Variants in ABLIM1 observed in about 807,000 individuals in gnomAD.
ABLIM1 encodes actin binding LIM protein 1, also known as actin-binding LIM protein 1.
A neutral mutation model predicts 107.0 loss-of-function variants in ABLIM1; 40 were observed. That is an observed-to-expected ratio of 0.37 (90% CI 0.29 to 0.49). The LOEUF is 0.49. Among genes scored for constraint, ABLIM1 ranks in the 20% least tolerant of loss-of-function variants. The pLI is 0.97. For synonymous variants in ABLIM1, 357 were observed against 357.3 expected (o/e 1.00, Z 0.01); for missense variants, 857 against 1,008.5 (o/e 0.85, Z 2.04).
intron 10 of ABLIM1, among the ~76,000 whole-genome samples, chr10:114,470,374 G>T (rs1725403114): frequency 7.9e-6 from 1 of 126,338 alleles, no homozygotes; most frequent in African/African-American, 3.0e-5. Flanking sequence ...AGTGAGCCAA[G>T]ATTGCACCAC....
intron 1 of ABLIM1, among the ~76,000 whole-genome samples, chr10:114,736,866 G>A (rs1184893906): frequency 6.6e-6 from 1 of 152,100 alleles, no homozygotes; most frequent in East Asian, 1.9e-4. Context: ...AAAAAACAGG[G>A]ACAGAAAACA....
rs564937969 is a variant in ABLIM1, at chr10:114,434,556, A to C, written c.*1704T>G. On this transcript the variant is annotated 3_prime_UTR_variant, in exon 23 of 23. Coordinates refer to ENST00000533213, the MANE Select transcript of ABLIM1 (RefSeq NM_002313.7). ...GCTTGTAATCCTAATATTTGGTGCC[A>C]GCAGGAAGAACTTCAGAGCTTTTGT... The C allele has an allele frequency of 6.6e-6, 1 of 152,312 alleles. No individual in the cohort carries two copies. The highest frequency in any genetic ancestry group is 2.4e-5 in the African/African-American group (1 of 41,570). 9.4% of individuals were successfully genotyped at this position (152,312 alleles called of 1,614,324 possible). A position where few individuals can be genotyped will look rare whatever the true frequency, so the allele number is the denominator to read the frequency against.
intron 2 of ABLIM1, among the ~76,000 whole-genome samples, chr10:114,589,712 CT>C (rs2074642528): frequency 6.6e-6 from 1 of 152,012 alleles, no homozygotes; most frequent in African/African-American, 2.4e-5. Context: ...CTGGCTCTTT[CT>C]TTTTTCTTTT....
At chr10:114,735,032 C>G (rs1411353863) in intron 1 of ABLIM1, among the ~76,000 whole-genome samples, 2 of 152,078 alleles carry the variant, frequency 1.3e-5, no homozygotes, top group Non-Finnish European at 2.9e-5. Flanking sequence ...GCAAGTACAG[C>G]CTTGGAATTC....
intron 8 of ABLIM1, among the ~76,000 whole-genome samples, chr10:114,478,605 C>A (rs1215032063): frequency 6.6e-6 from 1 of 152,192 alleles, no homozygotes; most frequent in African/African-American, 2.4e-5. Context: ...TGAAGAAGGT[C>A]TTTGCTTCCC....
chr10:114,483,203 C>A (rs547259907), intron 8 of ABLIM1, among the ~76,000 whole-genome samples: 2 of 152,320 alleles, frequency 1.3e-5, no homozygotes, highest in South Asian at 4.1e-4. Context: ...GGGTCAAGAA[C>A]TGAAGTGTGC....
At position 114,432,567 on chromosome 10, in the gene ABLIM1, T is replaced by G. The variant is rs960656221; in HGVS notation, c.*3693A>C. On this transcript the variant is annotated 3_prime_UTR_variant, in exon 23 of 23. Coordinates refer to ENST00000533213, the MANE Select transcript of ABLIM1 (RefSeq NM_002313.7). ...CTGAGAAGCAATTCTTAGAAAAAAA[T>G]GTTTGCTTCAATGTCTAAAGAAATC... 6.6e-6 allele frequency: 1 copy of G among 152,194 alleles called. No homozygotes were observed. The highest frequency in any genetic ancestry group is 6.5e-5 in the Admixed American group (1 of 15,270). 9.4% of individuals were successfully genotyped at this position (152,194 alleles called of 1,614,324 possible).
At chr10:114,517,774 A>G (rs2063107749) in intron 6 of ABLIM1, among the ~76,000 whole-genome samples, 1 of 152,108 alleles carries the variant, frequency 6.6e-6, no homozygotes, top group Non-Finnish European at 1.5e-5. Context: ...TCATCATGCA[A>G]ATCTTTTATT....
At chr10:114,763,538 C>T (rs1318659718) in intron 1 of ABLIM1, among the ~76,000 whole-genome samples, 6 of 151,930 alleles carry the variant, frequency 3.9e-5, no homozygotes, top group South Asian at 2.1e-4. Flanking sequence ...AGGTGCACAA[C>T]GCCATGCCCA....
intron 2 of ABLIM1, among the ~76,000 whole-genome samples, chr10:114,595,368 T>A (rs1027703214): frequency 6.6e-6 from 1 of 152,198 alleles, no homozygotes; most frequent in Admixed American, 6.5e-5. Context: ...TACCAACACA[T>A]TCAAATCCAA....
chr10:114,746,825 C>T (rs1360117568), intron 1 of ABLIM1, among the ~76,000 whole-genome samples: 1 of 152,136 alleles, frequency 6.6e-6, no homozygotes, highest in Non-Finnish European at 1.5e-5. Context: ...GGGCATTTTG[C>T]ATCTGTTAGT....
intron 1 of ABLIM1, among the ~76,000 whole-genome samples, chr10:114,608,773 G>T (rs2076605552): frequency 6.6e-6 from 1 of 152,152 alleles, no homozygotes; most frequent in Non-Finnish European, 1.5e-5. Flanking sequence ...TCAGCACCTT[G>T]GGCGGCCAAG....
chr10:114,568,451 G>C (rs1183386911), intron 4 of ABLIM1, among the ~76,000 whole-genome samples: 1 of 152,162 alleles, frequency 6.6e-6, no homozygotes, highest in Admixed American at 6.5e-5. Flanking sequence ...ACACAGGCTA[G>C]TTTTAAAGTA....
chr10:114,440,939 G>A lies in ABLIM1; in HGVS notation c.2059+78C>T. The stretch of plus-strand genomic sequence containing the variant: ...AAGGATACAATACAGCATGAACACA[G>A]CCAGTATACTTGACTCTCATGAACC... On this transcript the variant is annotated intron_variant, in intron 19 of 22. Transcript: ENST00000533213. 3 of 1,340,860 alleles carry A rather than the reference G, an allele frequency of 2.2e-6. No individual in the cohort carries two copies. In the Admixed American group the frequency reaches 5.8e-5, roughly 26 times the overall value. The allele number at this position is 1,340,860 out of a possible 1,614,324, so 83.1% of individuals were successfully genotyped here. A position where few individuals can be genotyped will look rare whatever the true frequency, so the allele number is the denominator to read the frequency against.
At chr10:114,660,088 A>C (rs1328326925), upstream of ABLIM1, among the ~76,000 whole-genome samples, 1 of 152,206 alleles carries the variant, frequency 6.6e-6, no homozygotes, top group Admixed American at 6.5e-5. Flanking sequence ...GGACTTGGGG[A>C]AAGTGGGAAC....
At chr10:114,446,277 C>T (rs1272064154) in intron 15 of ABLIM1, among the ~76,000 whole-genome samples, 2 of 152,154 alleles carry the variant, frequency 1.3e-5, no homozygotes, top group Non-Finnish European at 2.9e-5. Context: ...AAATGGGTCT[C>T]TAAGGTTTTC....
At chr10:114,709,877 C>T (rs1452800235) in intron 1 of ABLIM1, among the ~76,000 whole-genome samples, 1 of 152,044 alleles carries the variant, frequency 6.6e-6, no homozygotes, top group Non-Finnish European at 1.5e-5. Context: ...TGATGTTTAA[C>T]TTTGTGTTCA....
At chr10:114,715,584 T>C (rs922267880) in intron 1 of ABLIM1, among the ~76,000 whole-genome samples, 5 of 152,160 alleles carry the variant, frequency 3.3e-5, no homozygotes, top group African/African-American at 9.7e-5. Flanking sequence ...TAAAACTGCC[T>C]GGCTGCTCAC....
At chr10:114,647,300 A>C (rs2079054407) in intron 1 of ABLIM1, among the ~76,000 whole-genome samples, 1 of 145,740 alleles carries the variant, frequency 6.9e-6, no homozygotes, top group East Asian at 1.9e-4. Context: ...TGCCCAGCCT[A>C]GGCAGTTATT....
Sources: allele counts gnomAD v4.1 joint callset (sites outside exome capture counted in the v4.1 genomes callset), GRCh38; gene constraint gnomAD v4.1.1; transcripts MANE v1.5; gene names NCBI Gene and HGNC (gene_info 2026-07-23, HGNC 2026-07-21).